Variants in KIF1A observed in about 807,000 individuals in gnomAD.
KIF1A encodes the protein kinesin-like protein KIF1A.
A neutral mutation model predicts 227.3 loss-of-function variants in KIF1A; 46 were observed. That is an observed-to-expected ratio of 0.20 (90% CI 0.16 to 0.26). KIF1A has a LOEUF of 0.26. KIF1A is among the 10% of genes least tolerant of loss of function. KIF1A has a pLI of 1.00. For missense variants in KIF1A, 1,683 were observed against 2,485.9 expected (o/e 0.68, Z 6.87); for synonymous variants, 1,022 against 1,012.8 (o/e 1.01, Z -0.17).
intron 2 of KIF1A, among the ~76,000 whole-genome samples, chr2:240,796,249 G>A (rs2056381948): frequency 6.6e-6 from 1 of 152,206 alleles, no homozygotes; most frequent in Admixed American, 6.5e-5. Context: ...CGCAGCCTGA[G>A]GCTTCCCTCT....
At position 240,758,623 on chromosome 2, in the gene KIF1A, T is replaced by C. The variant is rs759122678; in HGVS notation, c.2445-126A>G. Reference sequence around the variant, plus strand: ...GGCCACCACATCCAGCTCAGGGTCATCAAGGTCCAGGGGGCTTGCTAGACA... The same window carrying C: ...GGCCACCACATCCAGCTCAGGGTCACCAAGGTCCAGGGGGCTTGCTAGACA... On this transcript the variant is annotated intron_variant, in intron 25 of 48. Transcript: ENST00000498729. This position sits in a 1 kb window ranked among gnomAD's most constrained non-coding sequence, Gnocchi z 5.2. 101 of 1,017,102 alleles carry C rather than the reference T, an allele frequency of 9.9e-5. No individual in the cohort carries two copies. The highest frequency in any genetic ancestry group is 1.3e-4 in the Non-Finnish European group (97 of 749,206). 63.0% of individuals were successfully genotyped at this position (1,017,102 alleles called of 1,614,324 possible).
intron 1 of KIF1A, among the ~76,000 whole-genome samples, chr2:240,817,236 T>G (rs945605848): frequency 6.6e-6 from 1 of 152,138 alleles, no homozygotes; most frequent in Admixed American, 6.5e-5. Flanking sequence ...TGGCCACCCA[T>G]GGACAGGTTC....
intron 14 of KIF1A, 58 bp from the exon 15 acceptor site, chr2:240,771,162 T>G: frequency 6.2e-7 from 1 of 1,610,950 alleles, no homozygotes; most frequent in Non-Finnish European, 8.5e-7. Context: ...AGGTTATTGT[T>G]CTCAAGGTCG....
At position 240,725,397 on chromosome 2, in the gene KIF1A, T is replaced by A; in HGVS notation, c.4130A>T (p.Asn1377Ile). Reference protein sequence around the residue: ...MTLSAYIEMENCTQPAVVTKD... With the variant: ...MTLSAYIEMEICTQPAVVTKD... ...GGTGACAACAGCCGGCTGGGTGCAG[T>A]TCTCCATCTGAGATAGGCGGGAGCA... Residue 1377 changes from asparagine (N) to isoleucine (I), a missense_variant, in exon 40 of 49, where the codon AAC (asparagine) becomes ATC (isoleucine). This residue lies in a region of KIF1A where 759 missense variants were observed against 1,020.2 expected (regional missense o/e 0.74). Transcript: ENST00000498729. The surrounding 1 kb of genome is among the most constrained non-coding windows in gnomAD (Gnocchi z 5.8). 6.2e-7 allele frequency: 1 copy of A among 1,612,236 alleles called. No individual in the cohort carries two copies. Among genetic ancestry groups the A allele is most frequent in the South Asian group, 1.1e-5 (1 of 91,010 alleles).
At chr2:240,783,586 C>G (rs1262721037) in intron 8 of KIF1A, among the ~76,000 whole-genome samples, 153 bp downstream of exon 8, 1 of 152,200 alleles carries the variant, frequency 6.6e-6, no homozygotes, top group African/African-American at 2.4e-5. Flanking sequence ...CGGCTGCTGG[C>G]AGCCCAAGAC....
rs886165778 is a variant in KIF1A, at chr2:240,736,079, A to G, written c.4007+984T>C. Reference sequence around the variant, plus strand: ...CCTTACTGCAGTGCTAAGCCCCGATAGCCCACTTTCTGGGTGTTGCTGATG... The same window carrying G: ...CCTTACTGCAGTGCTAAGCCCCGATGGCCCACTTTCTGGGTGTTGCTGATG... On this transcript the variant is annotated intron_variant, in intron 38 of 48. Coordinates refer to ENST00000498729, the MANE Select transcript of KIF1A (RefSeq NM_001244008.2). The surrounding 1 kb of genome is among the most constrained non-coding windows in gnomAD (Gnocchi z 4.7). Among the ~76,000 whole-genome samples, 15 of 151,402 alleles carry G rather than the reference A, an allele frequency of 9.9e-5. No homozygotes were observed. Among genetic ancestry groups the G allele is most frequent in the Admixed American group, 8.5e-4 (13 of 15,248 alleles).
chr2:240,797,742 G>A lies in KIF1A; in HGVS notation c.11C>T (p.Ala4Val). 6.2e-7 allele frequency: 1 copy of A among 1,609,674 alleles called. No individual in the cohort carries two copies. The highest frequency in any genetic ancestry group is 8.5e-7 in the Non-Finnish European group (1 of 1,178,700). The change falls in exon 2 of 49, where the codon GCT (alanine) becomes GTT (valine). Residue 4 changes from alanine to valine, a missense_variant. Physicochemically the swap from Ala to Val is moderately conservative, Grantham distance 64 (BLOSUM62 0). This residue lies in a region of KIF1A where 71 missense variants were observed against 129.1 expected (regional missense o/e 0.55). Coordinates refer to ENST00000498729, the MANE Select transcript of KIF1A (RefSeq NM_001244008.2). MAG[A>V]SVKVAVRVRP... ...GACCCGCACCGCCACCTTCACCGAA[G>A]CCCCGGCCATCTCTGTGGCCTTCGT...
intron 34 of KIF1A, among the ~76,000 whole-genome samples, chr2:240,742,272 C>A (rs772078093): frequency 6.6e-6 from 1 of 152,160 alleles, no homozygotes; most frequent in Non-Finnish European, 1.5e-5. Flanking sequence ...CTCACACAGG[C>A]CCCTACCCTC....
chr2:240,732,134 A>AGGGGAGGAGGGAGAGGGGAGGG (rs1390526674), intron 38 of KIF1A, among the ~76,000 whole-genome samples: 1 of 14,004 alleles, frequency 7.1e-5, no homozygotes, highest in Non-Finnish European at 1.3e-4. Flanking sequence ...GGAGGGGAGG[A>AGGGGAGGAGGGAGAGGGGAGGG]GGGGATGAGG....
Position 240,739,813 on chromosome 2 carries a change from A to AT in KIF1A, c.3901+244dup, listed in dbSNP as rs2047745106. ...TGTTTTAAGCTACCTGGTTTGTGGT[A>AT]TTTTGTCATGGCAGCCCCAGAACTC... On this transcript the variant is annotated intron_variant, in intron 37 of 48. Coordinates refer to ENST00000498729, the MANE Select transcript of KIF1A (RefSeq NM_001244008.2). The surrounding 1 kb of genome is among the most constrained non-coding windows in gnomAD (Gnocchi z 5.6). Among the ~76,000 whole-genome samples the AT allele has an allele frequency of 6.6e-6, 1 of 152,146 alleles. No homozygotes were observed. The highest frequency in any genetic ancestry group is 2.1e-4 in the South Asian group (1 of 4,828).
At chr2:240,744,230 TC>T (rs1279093030) in intron 32 of KIF1A, among the ~76,000 whole-genome samples, 170 bp from the exon 33 acceptor site, 1 of 152,014 alleles carries the variant, frequency 6.6e-6, no homozygotes, top group Admixed American at 6.5e-5. Context: ...GCCCAGCCCC[TC>T]CTCCCACCAC....
intron 30 of KIF1A, 31 bp from the exon 31 acceptor site, chr2:240,745,940 C>G (rs1009908754): frequency 2.5e-6 from 4 of 1,593,768 alleles, no homozygotes; most frequent in Admixed American, 1.7e-5. Context: ...AGTCATGGAC[C>G]TCCAGGCCAT....
chr2:240,758,642 C>A lies in KIF1A; in HGVS notation c.2445-145G>T. On this transcript the variant is annotated intron_variant, in intron 25 of 48. Transcript: ENST00000498729. The surrounding 1 kb of genome is among the most constrained non-coding windows in gnomAD (Gnocchi z 5.2). The stretch of plus-strand genomic sequence containing the variant: ...GGGTCATCAAGGTCCAGGGGGCTTG[C>A]TAGACAGACCCCCTCTGTGACCCTT... 2 of 769,628 alleles carry A rather than the reference C, an allele frequency of 2.6e-6. No homozygotes were observed. The highest frequency in any genetic ancestry group is 3.8e-6 in the Non-Finnish European group (2 of 531,002). 47.7% of individuals were successfully genotyped at this position (769,628 alleles called of 1,614,324 possible). A position where few individuals can be genotyped will look rare whatever the true frequency, so the allele number is the denominator to read the frequency against.
Position 240,793,910 on chromosome 2 carries a change from G to T in KIF1A, c.106+3737C>A, listed in dbSNP as rs1047101017. The stretch of plus-strand genomic sequence containing the variant: ...CCCACGACATCCTCTGAGGGGCCCC[G>T]CACAGTCCCCGCCATCTTCCGAGGG... On this transcript the variant is annotated intron_variant, in intron 2 of 48. Coordinates refer to ENST00000498729, the MANE Select transcript of KIF1A (RefSeq NM_001244008.2). This position sits in a 1 kb window ranked among gnomAD's most constrained non-coding sequence, Gnocchi z 4.8. 6.6e-6 allele frequency among the ~76,000 whole-genome samples: 1 copy of T among 152,130 alleles called. No individual in the cohort carries two copies. The highest frequency in any genetic ancestry group is 2.4e-5 in the African/African-American group (1 of 41,428).
Position 240,820,128 on chromosome 2 carries a change from G to C in KIF1A, c.-67C>G, listed in dbSNP as rs1271224585. On this transcript the variant is annotated 5_prime_UTR_variant, in exon 1 of 49. Transcript: ENST00000498729. The surrounding 1 kb of genome is among the most constrained non-coding windows in gnomAD (Gnocchi z 6.2). ...GGGCGGGCGGCGGCCTTACCTCTCC[G>C]GCGTCACTGGCGGCGGCCCCGCATG... 6.7e-6 allele frequency: 1 copy of C among 149,164 alleles called. No homozygotes were observed. The highest frequency in any genetic ancestry group is 1.5e-5 in the Non-Finnish European group (1 of 66,732). The allele number at this position is 149,164 out of a possible 1,614,324, so 9.2% of individuals were successfully genotyped here. A position where few individuals can be genotyped will look rare whatever the true frequency, so the allele number is the denominator to read the frequency against.
At chr2:240,804,624 G>A (rs2126188575) in intron 1 of KIF1A, among the ~76,000 whole-genome samples, 1 of 152,252 alleles carries the variant, frequency 6.6e-6, no homozygotes, top group Admixed American at 6.5e-5. Context: ...TACAGCCTCT[G>A]TGAAATGGAA....
intron 16 of KIF1A, 31 bp downstream of exon 16, chr2:240,769,595 TC>T: frequency 6.4e-7 from 1 of 1,573,378 alleles, no homozygotes; most frequent in Non-Finnish European, 8.7e-7. Context: ...GCTGCACCCC[TC>T]CCCCTGGGCC....
chr2:240,757,982 A>T lies in KIF1A; in HGVS notation c.2582+378T>A, dbSNP rs1274338604. Among the ~76,000 whole-genome samples, 1 of 152,202 alleles carries T rather than the reference A, an allele frequency of 6.6e-6. No individual in the cohort carries two copies. The highest frequency in any genetic ancestry group is 1.5e-5 in the Non-Finnish European group (1 of 68,028). ...CTGGAGACCGGGGAAGGAGGCAGCCATTTGTAAGGCTCAGGTGACACAGCC... is the reference window on the plus strand; with the variant it reads ...CTGGAGACCGGGGAAGGAGGCAGCCTTTTGTAAGGCTCAGGTGACACAGCC... On this transcript the variant is annotated intron_variant, in intron 26 of 48. Coordinates refer to ENST00000498729, the MANE Select transcript of KIF1A (RefSeq NM_001244008.2). This position sits in a 1 kb window ranked among gnomAD's most constrained non-coding sequence, Gnocchi z 6.2.
Position 240,788,369 on chromosome 2 carries a change from C to T in KIF1A, c.184-139G>A. ...GTGGGGAGGGATGCCTGCCCCCCATCCTACTCCTGCCTTGTGGGGTAGCTT... is the reference window on the plus strand; with the variant it reads ...GTGGGGAGGGATGCCTGCCCCCCATTCTACTCCTGCCTTGTGGGGTAGCTT... On this transcript the variant is annotated intron_variant, in intron 3 of 48. Coordinates refer to ENST00000498729, the MANE Select transcript of KIF1A (RefSeq NM_001244008.2). This position sits in a 1 kb window ranked among gnomAD's most constrained non-coding sequence, Gnocchi z 6.6. 2.7e-6 allele frequency: 2 copies of T among 729,042 alleles called. No homozygotes were observed. The highest frequency in any genetic ancestry group is 4.7e-6 in the Non-Finnish European group (2 of 429,110). The allele number at this position is 729,042 out of a possible 1,614,324, so 45.2% of individuals were successfully genotyped here. A position where few individuals can be genotyped will look rare whatever the true frequency, so the allele number is the denominator to read the frequency against.
Sources: gnomAD v4.1 joint callset for allele counts (sites outside exome capture counted in the v4.1 genomes callset) on GRCh38, gnomAD v4.1.1 for gene constraint, gnomAD v4.1.1 regional missense constraint, Gnocchi (gnomAD v3.1) non-coding constraint, MANE v1.5 for transcripts, NCBI Gene and HGNC (gene_info 2026-07-23, HGNC 2026-07-21) for gene names.